DNAJB6: variants seen among roughly 807,000 people sequenced by gnomAD.
The protein encoded by DNAJB6 is dnaJ homolog subfamily B member 6.
A neutral mutation model predicts 42.7 loss-of-function variants in DNAJB6; 16 were observed. That is an observed-to-expected ratio of 0.37 (90% CI 0.25 to 0.57). The LOEUF (loss-of-function observed/expected upper bound fraction) is 0.57, where lower values mean the gene tolerates loss of function less well. DNAJB6 is among the 20% of genes least tolerant of loss of function. The pLI is 0.74. For synonymous variants in DNAJB6, 170 were observed against 163.5 expected (o/e 1.04, Z -0.30); for missense variants, 347 against 416.8 (o/e 0.83, Z 1.46).
At chr7:157,397,346 C>T (rs1801639663) in intron 8 of DNAJB6, among the ~76,000 whole-genome samples, 1 of 152,164 alleles carries the variant, frequency 6.6e-6, no homozygotes, top group South Asian at 2.1e-4. Flanking sequence ...GGCCGCCCAG[C>T]CAGGGAGAGG....
intron 5 of DNAJB6, chr7:157,380,031 C>G (rs1800674740): frequency 6.6e-6 from 1 of 152,060 alleles, no homozygotes; most frequent in Non-Finnish European, 1.5e-5. Flanking sequence ...CCAGGCTGGT[C>G]TCAAACTCCT....
At chr7:157,395,063 C>A (rs959619656) in intron 8 of DNAJB6, among the ~76,000 whole-genome samples, 1 of 152,132 alleles carries the variant, frequency 6.6e-6, no homozygotes, top group African/African-American at 2.4e-5. Flanking sequence ...CTCGGCACTC[C>A]AGCCTGGGCA....
At chr7:157,406,231 G>A (rs1188642429) in intron 8 of DNAJB6, among the ~76,000 whole-genome samples, 1 of 152,250 alleles carries the variant, frequency 6.6e-6, no homozygotes, top group Non-Finnish European at 1.5e-5. Flanking sequence ...CTCGGTGTGG[G>A]GGTTTGGAGC....
At chr7:157,371,343 G>T (rs1800201655) in intron 5 of DNAJB6, among the ~76,000 whole-genome samples, 1 of 152,252 alleles carries the variant, frequency 6.6e-6, no homozygotes, top group South Asian at 2.1e-4. Flanking sequence ...ACATTTATCA[G>T]AATGCAGAAC....
At chr7:157,415,740 C>T (rs1796092660) in intron 9 of DNAJB6, among the ~76,000 whole-genome samples, 1 of 151,640 alleles carries the variant, frequency 6.6e-6, no homozygotes, top group Admixed American at 6.6e-5. Flanking sequence ...CTGGGGTAGT[C>T]CCAGGGTGGG....
At position 157,416,364 on chromosome 7, in the gene DNAJB6, TTCCGGATCC is replaced by T; in HGVS notation, c.*269_*277del. 1 of 463,748 alleles carries T rather than the reference TTCCGGATCC, an allele frequency of 2.2e-6. No homozygotes were observed. The highest frequency in any genetic ancestry group is 3.9e-6 in the Non-Finnish European group (1 of 256,444). The allele number at this position is 463,748 out of a possible 1,614,324, so 28.7% of individuals were successfully genotyped here. A position where few individuals can be genotyped will look rare whatever the true frequency, so the allele number is the denominator to read the frequency against. On this transcript the variant is annotated 3_prime_UTR_variant, in exon 10 of 10. Coordinates refer to ENST00000262177, the MANE Select transcript of DNAJB6 (RefSeq NM_058246.4). ...AATCTGCTGCATTTTCCTCTAGTGC[TTCCGGATCC>T]TCTTCATTCTTTTCGGCTACTCAAC...
chr7:157,406,708 C>T (rs925162383), intron 8 of DNAJB6, among the ~76,000 whole-genome samples: 6 of 152,176 alleles, frequency 3.9e-5, no homozygotes, highest in Non-Finnish European at 8.8e-5. Flanking sequence ...CTCAGCGGCC[C>T]GGGGTTGGAA....
chr7:157,356,733 A>G (rs1288376208), intron 1 of DNAJB6, among the ~76,000 whole-genome samples: 1 of 152,254 alleles, frequency 6.6e-6, no homozygotes, highest in African/African-American at 2.4e-5. Context: ...AATAGGAACA[A>G]GTTTTTTTCT....
intron 9 of DNAJB6, chr7:157,410,303 A>G (rs1795928720): frequency 3.6e-6 from 2 of 561,370 alleles, no homozygotes; most frequent in African/African-American, 2.0e-5. Context: ...TTTACCGTAG[A>G]CGTGCCTTTT....
At chr7:157,379,323 T>TA (rs1800632726) in intron 5 of DNAJB6, 1 of 152,198 alleles carries the variant, frequency 6.6e-6, no homozygotes, top group Non-Finnish European at 1.5e-5. Flanking sequence ...GCCATGGATT[T>TA]AAAGAAATTG....
At chr7:157,376,181 A>G (rs890911435) in intron 5 of DNAJB6, among the ~76,000 whole-genome samples, 3 of 152,174 alleles carry the variant, frequency 2.0e-5, no homozygotes, top group African/African-American at 4.8e-5. Context: ...CATGTTCTCC[A>G]CTTCCTCAGT....
chr7:157,397,936 C>T (rs1232956197), intron 8 of DNAJB6, among the ~76,000 whole-genome samples: 5 of 152,210 alleles, frequency 3.3e-5, no homozygotes, highest in South Asian at 4.1e-4. Context: ...TTACTTGAAC[C>T]GGGAGGCAGA....
At chr7:157,349,517 CGGTCACCCA>C (rs1293336491) in intron 1 of DNAJB6, among the ~76,000 whole-genome samples, 1 of 151,812 alleles carries the variant, frequency 6.6e-6, no homozygotes, top group African/African-American at 2.4e-5. Context: ...GAGTCTTGCT[CGGTCACCCA>C]GGTTGGCGTG....
chr7:157,343,239 C>A (rs190013930), intron 1 of DNAJB6, among the ~76,000 whole-genome samples: 1 of 151,884 alleles, frequency 6.6e-6, no homozygotes, highest in East Asian at 1.9e-4. Flanking sequence ...TGGCTCACTG[C>A]GCCTGCACCT....
chr7:157,409,890 C>G lies in DNAJB6; in HGVS notation c.787C>G (p.Pro263Ala). Residue 263 changes from proline (P) to alanine (A), a missense_variant, in exon 9 of 10, where the codon CCC (proline) becomes GCC (alanine). Pro to Ala is a conservative substitution (Grantham distance 27). Around this residue, in one of 3 missense-constraint regions of DNAJB6, gnomAD observed 264 missense variants for 288.0 expected, o/e 0.92. Coordinates refer to ENST00000262177, the MANE Select transcript of DNAJB6 (RefSeq NM_058246.4). ...TGCCGGCCTCCGCCCGCCGAAGCCG[C>G]CCCGGCCTGCCTCGCTGCTGAGACA... The part of the protein sequence containing the change: ...QPAGLRPPKP[P>A]RPASLLRHAP... 6.5e-7 allele frequency: 1 copy of G among 1,533,956 alleles called. No individual in the cohort carries two copies. Among genetic ancestry groups the G allele is most frequent in the Non-Finnish European group, 8.7e-7 (1 of 1,145,666 alleles).
intron 1 of DNAJB6, among the ~76,000 whole-genome samples, chr7:157,358,225 C>T (rs919854559): frequency 1.3e-5 from 2 of 152,202 alleles, no homozygotes; most frequent in African/African-American, 4.8e-5. Flanking sequence ...TCTAGGAACA[C>T]ATGACAGACT....
At chr7:157,381,396 A>G (rs1210888181) in intron 5 of DNAJB6, 1 of 152,182 alleles carries the variant, frequency 6.6e-6, no homozygotes, top group African/African-American at 2.4e-5. Flanking sequence ...TACAGTAATT[A>G]TTAACGCAGA....
chr7:157,390,277 A>G (rs1332525559), intron 8 of DNAJB6, among the ~76,000 whole-genome samples: 1 of 152,106 alleles, frequency 6.6e-6, no homozygotes, highest in Non-Finnish European at 1.5e-5. Context: ...GATCCGAAGG[A>G]CCTGCGTCTT....
intron 1 of DNAJB6, among the ~76,000 whole-genome samples, chr7:157,343,990 TAATA>T (rs1266805085): frequency 9.2e-5 from 14 of 152,198 alleles, no homozygotes; most frequent in African/African-American, 3.1e-4. Flanking sequence ...ATGGCTTCCT[TAATA>T]GACAGTAGGA....
Sources: allele counts gnomAD v4.1 joint callset (sites outside exome capture counted in the v4.1 genomes callset), GRCh38; gene constraint gnomAD v4.1.1; regional missense constraint gnomAD v4.1.1; transcripts MANE v1.5; gene names NCBI Gene and HGNC (gene_info 2026-07-23, HGNC 2026-07-21).